MBNL2: variants seen among roughly 807,000 people sequenced by gnomAD.
The protein encoded by MBNL2 is muscleblind-like protein 2.
In MBNL2, 17 loss-of-function variants were observed where a neutral mutation model predicts 41.9. That is an observed-to-expected ratio of 0.41 (90% CI 0.28 to 0.61). The LOEUF is 0.61. Ranked by LOEUF, MBNL2 falls within the 20% of genes least tolerant of loss-of-function variation. The probability of loss-of-function intolerance (pLI) is 0.35; values close to 1 mark genes in which losing one functional copy is unlikely to be tolerated. For synonymous variants in MBNL2, 195 were observed against 182.9 expected, an observed-to-expected ratio of 1.07 and a Z score of -0.53; for missense variants, 336 against 505.6, an observed-to-expected ratio of 0.66 and a Z score of 3.22.
rs370308064 is a variant in MBNL2 at position 97,271,902 on chromosome 13, A to G, written c.-604-3730A>G. Among the ~76,000 whole-genome samples the G allele has an allele frequency of 3.9e-5, 6 of 152,312 alleles. No homozygotes were observed. The South Asian group carries it at 1.0e-3, about 26-fold the overall frequency. On this transcript the variant is annotated intron_variant, in intron 1 of 8. Transcript: ENST00000679496. The stretch of plus-strand genomic sequence containing the variant: ...TAAACATAGGTGTGCATGTGTCTTT[A>G]CAGTAGAATGATTTATATTCCTTTG...
At chr13:97,180,454 C>T in the MBNL2 span, among the ~76,000 whole-genome samples, 6 of 151,882 alleles carry the variant, frequency 4.0e-5, no homozygotes, top group Admixed American at 2.6e-4. Flanking sequence ...ATGGTGTGAT[C>T]GGCCAGGCAT....
intron 2 of MBNL2, among the ~76,000 whole-genome samples, chr13:97,297,396 A>G (rs2152992527): frequency 6.6e-6 from 1 of 152,266 alleles, no homozygotes; most frequent in Middle Eastern, 3.4e-3. Context: ...GATCTATGGC[A>G]TGAGCTCTGG....
chr13:97,176,157 A>T, the MBNL2 span, among the ~76,000 whole-genome samples: 2 of 152,196 alleles, frequency 1.3e-5, no homozygotes, highest in Admixed American at 1.3e-4. Context: ...TATCCTGGCC[A>T]GGGACATGCT....
At chr13:97,181,927 C>T in the MBNL2 span, among the ~76,000 whole-genome samples, 7 of 152,182 alleles carry the variant, frequency 4.6e-5, no homozygotes, top group African/African-American at 1.7e-4. Flanking sequence ...AGTTGTCCTT[C>T]CATCAATGGA....
the MBNL2 span, among the ~76,000 whole-genome samples, chr13:97,190,437 A>C: frequency 6.6e-6 from 1 of 152,238 alleles, no homozygotes; most frequent in African/African-American, 2.4e-5. Context: ...GAAGAACATG[A>C]GATCGGAAGA....
chr13:97,301,965 A>T (rs1053947480), intron 2 of MBNL2, among the ~76,000 whole-genome samples: 2 of 152,186 alleles, frequency 1.3e-5, no homozygotes, highest in African/African-American at 4.8e-5. Flanking sequence ...CCGGTTGGAT[A>T]CTTGCTCAGC....
upstream of MBNL2, among the ~76,000 whole-genome samples, chr13:97,216,599 G>A (rs1365801760): frequency 6.6e-6 from 1 of 152,056 alleles, no homozygotes; most frequent in African/African-American, 2.4e-5. Flanking sequence ...ATCTCTTCCA[G>A]TAAACCAAAC....
intron 2 of MBNL2, among the ~76,000 whole-genome samples, chr13:97,324,554 GT>G (rs1226495680): frequency 6.6e-6 from 1 of 152,148 alleles, no homozygotes; most frequent in African/African-American, 2.4e-5. Context: ...TGGTATATTT[GT>G]CAGTGTTCTC....
At chr13:97,290,355 G>A (rs1354751612) in intron 2 of MBNL2, among the ~76,000 whole-genome samples, 1 of 152,106 alleles carries the variant, frequency 6.6e-6, no homozygotes, top group African/African-American at 2.4e-5. Flanking sequence ...TCATTCTAGT[G>A]GGAAGTGACA....
chr13:97,161,442 T>C, the MBNL2 span, among the ~76,000 whole-genome samples: 1 of 152,326 alleles, frequency 6.6e-6, no homozygotes, highest in East Asian at 1.9e-4. Flanking sequence ...TCCCAGAACA[T>C]GTTGGAACTT....
At position 97,392,527 on chromosome 13, in the gene MBNL2, CA is replaced by C. The variant is rs2066409115; in HGVS notation, c.*1082del. 1 of 152,206 alleles carries C rather than the reference CA, an allele frequency of 6.6e-6. No individual in the cohort carries two copies. The highest frequency in any genetic ancestry group is 1.5e-5 in the Non-Finnish European group (1 of 67,936). The allele number at this position is 152,206 out of a possible 1,614,324, so 9.4% of individuals were successfully genotyped here. A position where few individuals can be genotyped will look rare whatever the true frequency, so the allele number is the denominator to read the frequency against. On this transcript the variant is annotated 3_prime_UTR_variant, in exon 9 of 9. Transcript: ENST00000679496. ...TCACCTTAAAGCATATTTTATGTCT[CA>C]AAAGTATAAAAAACTTTAATACAAG...
At chr13:97,384,557 G>C (rs569372894) in intron 8 of MBNL2, among the ~76,000 whole-genome samples, 2 of 152,262 alleles carry the variant, frequency 1.3e-5, no homozygotes, top group African/African-American at 4.8e-5. Context: ...ATGGTGCACA[G>C]ACTAAAGGAG....
chr13:97,142,634 C>T, the MBNL2 span, among the ~76,000 whole-genome samples: 9 of 152,338 alleles, frequency 5.9e-5, no homozygotes, highest in African/African-American at 1.9e-4. Context: ...CACGCCTCCA[C>T]GGCTGCTTTG....
chr13:97,384,471 C>T (rs1365998327), intron 8 of MBNL2, among the ~76,000 whole-genome samples: 1 of 152,108 alleles, frequency 6.6e-6, no homozygotes, highest in Non-Finnish European at 1.5e-5. Flanking sequence ...CAGGCAAGAT[C>T]AGGGCATTTC....
At chr13:97,326,043 G>C (rs1346679615) in intron 2 of MBNL2, among the ~76,000 whole-genome samples, 4 of 152,182 alleles carry the variant, frequency 2.6e-5, no homozygotes, top group Non-Finnish European at 5.9e-5. Context: ...ACTCAGATTT[G>C]CAACTCCCTT....
the MBNL2 span, among the ~76,000 whole-genome samples, chr13:97,199,637 C>T: frequency 6.6e-6 from 1 of 152,232 alleles, no homozygotes; most frequent in Non-Finnish European, 1.5e-5. Context: ...AAGAAATGCT[C>T]ATCCCTGGGA....
intron 1 of MBNL2, among the ~76,000 whole-genome samples, chr13:97,245,791 C>T (rs1254909363): frequency 6.6e-6 from 1 of 152,074 alleles, no homozygotes; most frequent in South Asian, 2.1e-4. Context: ...ATTATTATTG[C>T]ACTTTTTGAA....
chr13:97,232,797 C>T, intron 1 of MBNL2, among the ~76,000 whole-genome samples: 1 of 151,360 alleles, frequency 6.6e-6, no homozygotes, highest in African/African-American at 2.4e-5. Flanking sequence ...GCTAGGGCAT[C>T]ATCTCCACTA....
At chr13:97,211,575 G>C in the MBNL2 span, among the ~76,000 whole-genome samples, 1 of 152,154 alleles carries the variant, frequency 6.6e-6, no homozygotes, top group South Asian at 2.1e-4. Flanking sequence ...TGAGATTTTA[G>C]AGAAAGAATG....
Sources: gnomAD v4.1 joint callset for allele counts (sites outside exome capture counted in the v4.1 genomes callset) on GRCh38, gnomAD v4.1.1 for gene constraint, MANE v1.5 for transcripts, NCBI Gene and HGNC (gene_info 2026-07-23, HGNC 2026-07-21) for gene names.